Variants in MYO3B observed in about 807,000 individuals in gnomAD.
The protein encoded by MYO3B is myosin-IIIb.
In MYO3B, 156 loss-of-function variants were observed where a neutral mutation model predicts 174.6. The ratio of observed to expected loss-of-function variants is 0.89; its 90% CI spans 0.78 to 1.02. The LOEUF (loss-of-function observed/expected upper bound fraction) is 1.02, where lower values mean the gene tolerates loss of function less well. Ranked by LOEUF, MYO3B falls within the 50% of genes least tolerant of loss-of-function variation. MYO3B has a pLI of 0.00. For missense variants in MYO3B, 1,632 were observed against 1,639.4 expected, an observed-to-expected ratio of 1.00 and a Z score of 0.08; for synonymous variants, 563 against 569.1, an observed-to-expected ratio of 0.99 and a Z score of 0.15.
intron 32 of MYO3B, among the ~76,000 whole-genome samples, chr2:170,563,707 A>G (rs1209735667): frequency 6.6e-6 from 1 of 152,212 alleles, no homozygotes; most frequent in African/African-American, 2.4e-5. Flanking sequence ...GTGTTGGTTC[A>G]GAAGATCAAG....
chr2:170,178,273 G>A lies in MYO3B; in HGVS notation c.-15G>A. 6.2e-7 allele frequency: 1 copy of A among 1,614,170 alleles called. No homozygotes were observed. The highest frequency in any genetic ancestry group is 8.5e-7 in the Non-Finnish European group (1 of 1,180,000). ...TCCAATCTCTCATAAGCCGGATTCA[G>A]AAAATAGGTCATCGATGTGAGTTGC... On this transcript the variant is annotated 5_prime_UTR_variant, in exon 1 of 35. Transcript: ENST00000408978.
chr2:170,516,901 A>AT (rs200594377), intron 29 of MYO3B, among the ~76,000 whole-genome samples: 1,783 of 151,564 alleles, frequency 0.012, 33 homozygotes, highest in African/African-American at 0.041. Flanking sequence ...CACTGGTCTA[A>AT]TTTTTTTTTA....
intron 25 of MYO3B, among the ~76,000 whole-genome samples, chr2:170,468,900 C>T (rs1348865715): frequency 6.6e-6 from 1 of 152,130 alleles, no homozygotes. Context: ...ATGGCTCACA[C>T]CTGTAATCCT....
chr2:170,391,885 C>T (rs1048958091), intron 15 of MYO3B, among the ~76,000 whole-genome samples: 3 of 151,676 alleles, frequency 2.0e-5, no homozygotes, highest in African/African-American at 4.8e-5. Context: ...CTGGGTGTGG[C>T]GGCTCATGCC....
intron 32 of MYO3B, among the ~76,000 whole-genome samples, chr2:170,572,159 G>A (rs1378992096): frequency 6.6e-6 from 1 of 152,108 alleles, no homozygotes; most frequent in Admixed American, 6.5e-5. Flanking sequence ...GTCGGGCATG[G>A]TGGCTCACGC....
At chr2:170,597,053 C>T (rs907132682) in intron 32 of MYO3B, among the ~76,000 whole-genome samples, 1 of 152,218 alleles carries the variant, frequency 6.6e-6, no homozygotes, top group South Asian at 2.1e-4. Flanking sequence ...GCCCTACTCT[C>T]AGCATCCCTG....
intron 32 of MYO3B, chr2:170,640,485 AAC>A (rs1697879330): frequency 6.6e-6 from 1 of 152,166 alleles, no homozygotes; most frequent in Non-Finnish European, 1.5e-5. Context: ...TTCCCACCCC[AAC>A]ACACGTTTCT....
intron 7 of MYO3B, among the ~76,000 whole-genome samples, chr2:170,273,726 C>A (rs1323791710): frequency 7.2e-6 from 1 of 139,494 alleles, no homozygotes; most frequent in Non-Finnish European, 1.5e-5. Flanking sequence ...AAACCTTCCT[C>A]AAACCCGTCA....
chr2:170,302,230 A>G (rs898137024), intron 7 of MYO3B, among the ~76,000 whole-genome samples: 1 of 152,172 alleles, frequency 6.6e-6, no homozygotes, highest in African/African-American at 2.4e-5. Context: ...AGATTCTTGT[A>G]TGTGGTCTTG....
At chr2:170,579,833 A>T (rs1693016263) in intron 32 of MYO3B, among the ~76,000 whole-genome samples, 1 of 152,210 alleles carries the variant, frequency 6.6e-6, no homozygotes, top group South Asian at 2.1e-4. Flanking sequence ...TGATGACCAT[A>T]CGTTACCCTG....
intron 3 of MYO3B, 79 bp from the exon 4 acceptor site, chr2:170,214,300 G>T (rs67994603): frequency 0.52 from 600,873 of 1,156,568 alleles, 156,266 homozygotes; most frequent in Admixed American, 0.64. Context: ...AGTATCAGTC[G>T]GCTTTTCTTA....
chr2:170,593,586 C>T (rs1693954607), intron 32 of MYO3B, among the ~76,000 whole-genome samples: 1 of 152,218 alleles, frequency 6.6e-6, no homozygotes, highest in Non-Finnish European at 1.5e-5. Context: ...TGGCTCTCTC[C>T]TGCCTCTTAG....
intron 25 of MYO3B, among the ~76,000 whole-genome samples, chr2:170,492,290 T>C (rs1686542353): frequency 6.6e-6 from 1 of 152,330 alleles, no homozygotes; most frequent in East Asian, 1.9e-4. Context: ...TTTCCTCGTA[T>C]GAATATGCCA....
intron 25 of MYO3B, among the ~76,000 whole-genome samples, chr2:170,494,385 T>C (rs1045090905): frequency 5.3e-5 from 8 of 151,528 alleles, no homozygotes; most frequent in African/African-American, 1.7e-4. Flanking sequence ...TTGGGAAATT[T>C]ATGTCTTCAT....
intron 32 of MYO3B, among the ~76,000 whole-genome samples, chr2:170,574,928 C>G (rs1195326510): frequency 6.6e-6 from 1 of 152,148 alleles, no homozygotes; most frequent in African/African-American, 2.4e-5. Context: ...TTCTCTTTCC[C>G]CTTTCACTTA....
intron 7 of MYO3B, among the ~76,000 whole-genome samples, chr2:170,251,346 A>G (rs2093251387): frequency 6.6e-6 from 1 of 152,138 alleles, no homozygotes; most frequent in African/African-American, 2.4e-5. Context: ...GCTTGAAGAG[A>G]TCTGCATTCA....
chr2:170,530,003 A>G (rs545789730), intron 30 of MYO3B, among the ~76,000 whole-genome samples: 2 of 152,344 alleles, frequency 1.3e-5, no homozygotes, highest in South Asian at 4.1e-4. Context: ...ATGCCAATAT[A>G]TTTTCCACTA....
At chr2:170,244,830 A>C (rs986456475) in intron 7 of MYO3B, among the ~76,000 whole-genome samples, 1 of 152,192 alleles carries the variant, frequency 6.6e-6, no homozygotes, top group Admixed American at 6.5e-5. Flanking sequence ...TTTAGACATA[A>C]TATATTTGTA....
At chr2:170,405,680 A>G (rs375666074) in intron 21 of MYO3B, 47 bp downstream of exon 21, 324 of 1,512,762 alleles carry the variant, frequency 2.1e-4, no homozygotes, top group Non-Finnish European at 2.8e-4. Context: ...GCAAAGGGTA[A>G]GTGTCTGTAT....
Sources: gnomAD v4.1 joint callset for allele counts (sites outside exome capture counted in the v4.1 genomes callset) on GRCh38, gnomAD v4.1.1 for gene constraint, MANE v1.5 for transcripts, NCBI Gene and HGNC (gene_info 2026-07-23, HGNC 2026-07-21) for gene names.